ZBTB40: variants seen among roughly 807,000 people sequenced by gnomAD.
The protein encoded by ZBTB40 is zinc finger and BTB domain-containing protein 40.
A neutral mutation model predicts 117.5 loss-of-function variants in ZBTB40; 60 were observed. That is an observed-to-expected ratio of 0.51 (90% CI 0.41 to 0.63). The LOEUF (loss-of-function observed/expected upper bound fraction) is 0.63, where lower values mean the gene tolerates loss of function less well. Ranked by LOEUF, ZBTB40 falls within the 30% of genes least tolerant of loss-of-function variation. The probability of loss-of-function intolerance (pLI) is 0.00; values close to 1 mark genes in which losing one functional copy is unlikely to be tolerated. For synonymous variants in ZBTB40, 525 were observed against 577.1 expected, an observed-to-expected ratio of 0.91 and a Z score of 1.29; for missense variants, 1,287 against 1,498.5, an observed-to-expected ratio of 0.86 and a Z score of 2.33.
chr1:22,472,998 G>A (rs1303522629), intron 1 of ZBTB40, among the ~76,000 whole-genome samples: 1 of 152,210 alleles, frequency 6.6e-6, no homozygotes, highest in Non-Finnish European at 1.5e-5. Context: ...TTTGGACATT[G>A]TTTTTCTGTC....
intron 3 of ZBTB40, among the ~76,000 whole-genome samples, chr1:22,495,593 C>T (rs1435347143): frequency 2.6e-5 from 4 of 152,086 alleles, no homozygotes; most frequent in African/African-American, 9.7e-5. Context: ...TTCACTGCAA[C>T]CTCCACCTCC....
intron 1 of ZBTB40, among the ~76,000 whole-genome samples, chr1:22,481,104 G>A (rs1638296136): frequency 6.6e-6 from 1 of 151,586 alleles, no homozygotes; most frequent in Admixed American, 6.6e-5. Flanking sequence ...TGATTTTGAT[G>A]TTTCTTTCAT....
chr1:22,508,502 AC>A (rs776792721), intron 7 of ZBTB40, 27 bp from the exon 8 acceptor site: 6 of 1,613,582 alleles, frequency 3.7e-6, no homozygotes, highest in Non-Finnish European at 4.2e-6. Flanking sequence ...AGAGTCTCTT[AC>A]GTGAGTGTTT....
intron 1 of ZBTB40, among the ~76,000 whole-genome samples, chr1:22,436,520 T>A (rs1291644336): frequency 1.3e-5 from 2 of 151,452 alleles, no homozygotes; most frequent in African/African-American, 4.8e-5. Flanking sequence ...CTCAAAAAAA[T>A]AAAAAATAAA....
chr1:22,473,665 G>C (rs567730762), intron 1 of ZBTB40, among the ~76,000 whole-genome samples: 1 of 152,326 alleles, frequency 6.6e-6, no homozygotes, highest in East Asian at 1.9e-4. Context: ...GGCAGTGGAT[G>C]TGTTTGGCTC....
chr1:22,512,860 T>C (rs1639278025), intron 11 of ZBTB40, 64 bp from the exon 12 acceptor site: 2 of 1,576,370 alleles, frequency 1.3e-6, no homozygotes, highest in South Asian at 2.2e-5. Context: ...TGGTATCCTG[T>C]GCTAGATTCC....
intron 1 of ZBTB40, among the ~76,000 whole-genome samples, chr1:22,429,584 G>A (rs947374951): frequency 6.6e-6 from 1 of 152,206 alleles, no homozygotes; most frequent in South Asian, 2.1e-4. Context: ...CCTGAACTGT[G>A]ATGCCACTAT....
At chr1:22,475,479 T>G (rs1317180105) in intron 1 of ZBTB40, among the ~76,000 whole-genome samples, 1 of 152,204 alleles carries the variant, frequency 6.6e-6, no homozygotes, top group African/African-American at 2.4e-5. Flanking sequence ...CAAGCATATG[T>G]TATTTCCAGC....
chr1:22,441,732 C>T (rs967004429), intron 1 of ZBTB40, among the ~76,000 whole-genome samples: 3 of 152,090 alleles, frequency 2.0e-5, no homozygotes, highest in Non-Finnish European at 4.4e-5. Context: ...ATCTGCCCAC[C>T]TCACCCTCCC....
intron 1 of ZBTB40, among the ~76,000 whole-genome samples, chr1:22,439,789 T>C (rs969564989): frequency 2.6e-5 from 4 of 152,248 alleles, no homozygotes; most frequent in African/African-American, 9.6e-5. Context: ...GCATTGTTCT[T>C]TTTTAAGATT....
intron 11 of ZBTB40, 115 bp downstream of exon 11, chr1:22,512,249 G>C (rs1351724586): frequency 1.7e-6 from 2 of 1,180,314 alleles, no homozygotes; most frequent in Non-Finnish European, 1.2e-6. Context: ...TTAGAAAATA[G>C]AGCAGGTTCC....
Position 22,526,356 on chromosome 1 carries a change from T to C in ZBTB40, c.3680T>C (p.Leu1227Pro), listed in dbSNP as rs955319446. 1.2e-6 allele frequency: 2 copies of C among 1,614,078 alleles called. No homozygotes were observed. The highest frequency in any genetic ancestry group is 1.7e-6 in the Non-Finnish European group (2 of 1,180,028). Residue 1227 changes from leucine (L) to proline (P), a missense_variant, in exon 18 of 18, where the codon CTG becomes CCG. By Grantham distance (98) the Leu-to-Pro change is moderately conservative. Coordinates refer to ENST00000375647, the MANE Select transcript of ZBTB40 (RefSeq NM_014870.4). ...ELVAVTVEDL[L>P]DGTVTLICGE... is the part of the protein sequence containing the mutation. ...GTGGCGGTGACTGTGGAGGACTTGC[T>C]GGATGGCACAGTGACGCTGATCTGT...
At position 22,485,540 on chromosome 1, in the gene ZBTB40, C is replaced by T. The variant is rs576194560; in HGVS notation, c.-69-4340C>T. Among the ~76,000 whole-genome samples, 18 of 151,984 alleles carry T rather than the reference C, an allele frequency of 1.2e-4. No homozygotes were observed. In the South Asian group the frequency reaches 3.7e-3, roughly 32 times the overall value. On this transcript the variant is annotated intron_variant, in intron 1 of 17. Transcript: ENST00000375647. ...ACCATGGCCATCTTTGATTTTCTGA[C>T]ATTTGAAAACTATATGCCTAGGCTC...
chr1:22,488,806 G>A (rs1418496356), intron 1 of ZBTB40, among the ~76,000 whole-genome samples: 2 of 152,178 alleles, frequency 1.3e-5, no homozygotes, highest in African/African-American at 4.8e-5. Flanking sequence ...GGATGAGGTA[G>A]GGGTAGCAGT....
chr1:22,511,124 T>TG lies in ZBTB40; in HGVS notation c.1834-51dup. On this transcript the variant is annotated intron_variant, in intron 9 of 17. Transcript: ENST00000375647. ...TTTTTTTTTTTTAGGTTGAAAACCA[T>TG]GGGGAAAATCTGCTGAGATTAACCC... 8 of 1,513,272 alleles carry TG rather than the reference T, an allele frequency of 5.3e-6. No individual in the cohort carries two copies. The Admixed American group carries it at 6.8e-5, about 13-fold the overall frequency. The allele number at this position is 1,513,272 out of a possible 1,614,324, so 93.7% of individuals were successfully genotyped here. A position where few individuals can be genotyped will look rare whatever the true frequency, so the allele number is the denominator to read the frequency against.
rs137897116 is a variant in ZBTB40, at chr1:22,520,162, C to T, written c.2935C>T (p.Pro979Ser). 1,023 of 1,614,172 alleles carry T rather than the reference C, an allele frequency of 6.3e-4. 1 individual carries two copies. The highest frequency in any genetic ancestry group is 4.8e-3 in the Middle Eastern group (29 of 6,062). The change falls in exon 14 of 18, where the codon CCC becomes TCC. Residue 979 changes from proline (P) to serine (S), a missense_variant. By Grantham distance (74) the Pro-to-Ser change is moderately conservative. This residue lies in a region of ZBTB40 where 417 missense variants were observed against 564.1 expected (regional missense o/e 0.74). Coordinates refer to ENST00000375647, the MANE Select transcript of ZBTB40 (RefSeq NM_014870.4). ...TGAGGTGCACTCCAAAGAGTACCACCCCTGCCCCACGTGTGGGAAGATCTT... is the reference window on the plus strand; with the variant it reads ...TGAGGTGCACTCCAAAGAGTACCACTCCTGCCCCACGTGTGGGAAGATCTT... ...IHEVHSKEYH[P>S]CPTCGKIFSA... is the part of the protein sequence containing the mutation.
intron 1 of ZBTB40, among the ~76,000 whole-genome samples, chr1:22,476,875 C>T (rs941597518): frequency 1.3e-5 from 2 of 152,166 alleles, no homozygotes; most frequent in Non-Finnish European, 1.5e-5. Flanking sequence ...TCCCTCTATA[C>T]CTGAGTCTAC....
chr1:22,491,525 C>G lies in ZBTB40; in HGVS notation c.823C>G (p.Gln275Glu). 6.2e-7 allele frequency: 1 copy of G among 1,613,898 alleles called. No individual in the cohort carries two copies. The highest frequency in any genetic ancestry group is 8.5e-7 in the Non-Finnish European group (1 of 1,179,906). The change falls in exon 3 of 18, where the codon CAG becomes GAG. Residue 275 changes from glutamine to glutamate, a missense_variant. By Grantham distance (29) the Gln-to-Glu change is conservative (BLOSUM62 2). Coordinates refer to ENST00000375647, the MANE Select transcript of ZBTB40 (RefSeq NM_014870.4). ...LEMCSEIKGP[Q>E]KEMIVKCFEG... ...AATGTGTTCAGAAATTAAAGGTCCA[C>G]AGAAGGAGGTAGGCACCTCTGACTT...
At chr1:22,472,003 T>C (rs921874591) in intron 1 of ZBTB40, among the ~76,000 whole-genome samples, 2 of 152,166 alleles carry the variant, frequency 1.3e-5, no homozygotes, top group African/African-American at 4.8e-5. Context: ...AGGGGCTGGC[T>C]GGGAACTGTA....
Sources: allele counts gnomAD v4.1 joint callset (sites outside exome capture counted in the v4.1 genomes callset), GRCh38; gene constraint gnomAD v4.1.1; regional missense constraint gnomAD v4.1.1; transcripts MANE v1.5; gene names NCBI Gene and HGNC (gene_info 2026-07-23, HGNC 2026-07-21).